Variants in USH2A observed in about 807,000 individuals in gnomAD.
USH2A encodes Usher syndrome 2A (autosomal recessive, mild).
USH2A carries 443 observed loss-of-function variants against 538.9 expected under a neutral mutation model. That is an observed-to-expected ratio of 0.82 (90% confidence interval 0.76 to 0.89). The LOEUF (loss-of-function observed/expected upper bound fraction) is 0.89, where lower values mean the gene tolerates loss of function less well. Among genes scored for constraint, USH2A ranks in the 40% least tolerant of loss-of-function variants. The pLI is 0.00. For synonymous variants in USH2A, 2,413 were observed against 2,273.5 expected, an observed-to-expected ratio of 1.06 and a Z score of -1.75; for missense variants, 6,633 against 6,324.8, an observed-to-expected ratio of 1.05 and a Z score of -1.65.
At chr1:216,409,113 A>G (rs536816272) in intron 3 of USH2A, among the ~76,000 whole-genome samples, 1 of 152,154 alleles carries the variant, frequency 6.6e-6, no homozygotes, top group African/African-American at 2.4e-5. Flanking sequence ...GATTAGAAGC[A>G]GGTGAAACAA....
At chr1:216,212,159 T>C (rs567569228) in intron 15 of USH2A, among the ~76,000 whole-genome samples, 63 of 152,194 alleles carry the variant, frequency 4.1e-4, no homozygotes, top group Non-Finnish European at 7.8e-4. Context: ...TTGCATTACA[T>C]GAAAATATCC....
chr1:215,715,432 T>C (rs1659456179), intron 61 of USH2A, among the ~76,000 whole-genome samples: 1 of 152,190 alleles, frequency 6.6e-6, no homozygotes, highest in African/African-American at 2.4e-5. Context: ...ATTTTTTGTA[T>C]ATGGACAGGG....
At chr1:215,744,350 T>C (rs1475821284) in intron 58 of USH2A, among the ~76,000 whole-genome samples, 3 of 152,216 alleles carry the variant, frequency 2.0e-5, no homozygotes, top group African/African-American at 7.2e-5. Flanking sequence ...TTTAGCCTCG[T>C]CAAAGTCTAT....
intron 11 of USH2A, among the ~76,000 whole-genome samples, chr1:216,268,345 A>G (rs1004186546): frequency 6.6e-6 from 1 of 152,112 alleles, no homozygotes; most frequent in Admixed American, 6.6e-5. Context: ...TCACGTATTT[A>G]TCAATAAAAT....
Position 216,205,648 on chromosome 1 carries a change from C to T in USH2A, c.3316+1625G>A, listed in dbSNP as rs377098468. Among the ~76,000 whole-genome samples, 42 of 152,252 alleles carry T rather than the reference C, an allele frequency of 2.8e-4. 1 individual carries two copies. Among genetic ancestry groups the T allele is most frequent in the Admixed American group, 5.9e-4 (9 of 15,294 alleles). On this transcript the variant is annotated intron_variant, in intron 16 of 71. Transcript: ENST00000307340. Reference sequence around the variant, plus strand: ...GGAAGGTTATGGAATTTCAGTGTTTCGACAGAGCTTTAAACAGTTCTCCAA... The same window carrying T: ...GGAAGGTTATGGAATTTCAGTGTTTTGACAGAGCTTTAAACAGTTCTCCAA...
In USH2A at chr1:215,650,785, G is replaced by A. The variant is rs1407866629; in HGVS notation, c.14150C>T (p.Ser4717Phe). 37 of 1,587,046 alleles carry A rather than the reference G, an allele frequency of 2.3e-5. No homozygotes were observed. Among genetic ancestry groups the A allele is most frequent in the Non-Finnish European group, 3.1e-5 (36 of 1,167,234 alleles). The stretch of plus-strand genomic sequence containing the variant: ...CCAGCTACTGGGGGCTTTTCCTGCA[G>A]AATTCACTGCCCAGACCTCCAAAGA... Reference protein sequence around the residue: ...EYEYQVWAVNSAGKAPSSWTW... With the variant: ...EYEYQVWAVNFAGKAPSSWTW... The change falls in exon 65 of 72, where the codon TCT becomes TTT. Residue 4717 changes from serine to phenylalanine, a missense_variant. Physicochemically the swap from Ser to Phe is radical, Grantham distance 155 (BLOSUM62 -2). Coordinates refer to ENST00000307340, the MANE Select transcript of USH2A (RefSeq NM_206933.4).
At chr1:216,250,506 AC>A (rs2036137834) in intron 12 of USH2A, among the ~76,000 whole-genome samples, 1 of 152,178 alleles carries the variant, frequency 6.6e-6, no homozygotes, top group African/African-American at 2.4e-5. Context: ...GAAAAAATCC[AC>A]TTATTTTGGT....
At chr1:216,415,124 G>T (rs1482825910) in intron 3 of USH2A, among the ~76,000 whole-genome samples, 1 of 151,994 alleles carries the variant, frequency 6.6e-6, no homozygotes, top group Non-Finnish European at 1.5e-5. Flanking sequence ...TGGTTAATGG[G>T]GCTGGCTCTG....
intron 40 of USH2A, among the ~76,000 whole-genome samples, chr1:215,890,829 A>T (rs1398807191): frequency 1.3e-5 from 2 of 152,212 alleles, no homozygotes; most frequent in African/African-American, 4.8e-5. Flanking sequence ...AAATCTAAAA[A>T]AACCCCCAAA....
chr1:215,913,726 A>G (rs889680248), intron 38 of USH2A, among the ~76,000 whole-genome samples: 3 of 151,924 alleles, frequency 2.0e-5, no homozygotes, highest in Admixed American at 2.0e-4. Flanking sequence ...TTATTGATAT[A>G]CTTTGATTCG....
intron 3 of USH2A, among the ~76,000 whole-genome samples, chr1:216,392,491 CAAAAAAAAAAAAAAAA>C (rs55951311): frequency 2.0e-5 from 1 of 49,484 alleles, no homozygotes; most frequent in South Asian, 8.5e-4. Context: ...GACTCCGTCT[CAAAAAAAAAAAAAAAA>C]AAAAAAAAAA....
At chr1:215,875,314 A>G (rs1375437046) in intron 43 of USH2A, among the ~76,000 whole-genome samples, 8 of 152,000 alleles carry the variant, frequency 5.3e-5, no homozygotes, top group Non-Finnish European at 1.2e-4. Context: ...AGCTTAATGT[A>G]AGTTGTAGCT....
At chr1:216,187,454 T>A (rs938407901) in intron 20 of USH2A, among the ~76,000 whole-genome samples, 3 of 151,948 alleles carry the variant, frequency 2.0e-5, no homozygotes, top group African/African-American at 4.8e-5. Context: ...TTTGCTGTTT[T>A]TGAGCAAAGT....
At chr1:216,034,229 A>T (rs1200318292) in intron 32 of USH2A, among the ~76,000 whole-genome samples, 2 of 152,150 alleles carry the variant, frequency 1.3e-5, no homozygotes, top group Admixed American at 1.3e-4. Context: ...TAATAGGGAA[A>T]ATTGAGAAGG....
At chr1:216,419,264 ACCGTACAGT>A in intron 2 of USH2A, among the ~76,000 whole-genome samples, 1 of 152,228 alleles carries the variant, frequency 6.6e-6, no homozygotes, top group Admixed American at 6.6e-5. Flanking sequence ...CCTCTCCATG[ACCGTACAGT>A]CCAACTGAGG....
chr1:216,219,140 T>C (rs2035403749), intron 14 of USH2A, among the ~76,000 whole-genome samples: 1 of 152,070 alleles, frequency 6.6e-6, no homozygotes, highest in African/African-American at 2.4e-5. Context: ...TAGCTTCCAA[T>C]GTATAACATA....
chr1:216,194,016 A>C (rs143043230), intron 19 of USH2A: 2 of 152,096 alleles, frequency 1.3e-5, no homozygotes, highest in African/African-American at 4.8e-5. Context: ...TTGCTGCTCA[A>C]TCCTACATAC....
intron 44 of USH2A, among the ~76,000 whole-genome samples, chr1:215,854,392 AC>A (rs1558128769): frequency 6.6e-6 from 1 of 152,124 alleles, no homozygotes; most frequent in Non-Finnish European, 1.5e-5. Flanking sequence ...ATACAGCCAA[AC>A]CATATCAAAA....
At position 215,888,452 on chromosome 1, in the gene USH2A, T is replaced by C. The variant is rs1190457300; in HGVS notation, c.8197A>G (p.Thr2733Ala). 6.2e-7 allele frequency: 1 copy of C among 1,613,588 alleles called. No homozygotes were observed. Among genetic ancestry groups the C allele is most frequent in the Admixed American group, 1.7e-5 (1 of 60,026 alleles). The change falls in exon 41 of 72, where the codon ACA becomes GCA. Residue 2733 changes from threonine to alanine, a missense_variant. By Grantham distance (58) the Thr-to-Ala change is moderately conservative. Transcript: ENST00000307340. ...RPAGVQPPVV[T>A]VLEPDAVQVT... ...TGGACTGCATCGGGTTCCAGCACTG[T>C]CACCACAGGTGGCTGCACCCCAGCA...
Sources: gnomAD v4.1 joint callset for allele counts (sites outside exome capture counted in the v4.1 genomes callset) on GRCh38, gnomAD v4.1.1 for gene constraint, MANE v1.5 for transcripts, NCBI Gene and HGNC (gene_info 2026-07-23, HGNC 2026-07-21) for gene names.